NBEA: variants seen among roughly 807,000 people sequenced by gnomAD.
NBEA encodes the protein lysosomal-trafficking regulator 2.
In NBEA, 44 loss-of-function variants were observed where a neutral mutation model predicts 343.4. The ratio of observed to expected loss-of-function variants is 0.13; its 90% CI spans 0.10 to 0.16. The LOEUF (loss-of-function observed/expected upper bound fraction) is 0.16, where lower values mean the gene tolerates loss of function less well. Among genes scored for constraint, NBEA ranks in the 10% least tolerant of loss-of-function variants. The pLI is 1.00. For missense variants in NBEA, 2,555 were observed against 3,631.3 expected (o/e 0.70, Z 7.62); for synonymous variants, 1,175 against 1,238.7 (o/e 0.95, Z 1.08).
At chr13:35,060,175 CAAAT>C (rs141425888) in intron 8 of NBEA, among the ~76,000 whole-genome samples, 6,930 of 151,648 alleles carry the variant, frequency 0.046, 232 homozygotes, top group Non-Finnish European at 0.067. Context: ...GACAAGCAAA[CAAAT>C]GAAATATAAG....
chr13:35,550,843 TG>T (rs781443907), intron 42 of NBEA, 86 bp from the exon 43 acceptor site: 8 of 780,524 alleles, frequency 1.0e-5, no homozygotes, highest in Non-Finnish European at 1.7e-5. Flanking sequence ...AAATAAATCA[TG>T]ATAGGCACTT....
intron 35 of NBEA, among the ~76,000 whole-genome samples, chr13:35,291,506 A>G (rs1236797014): frequency 6.6e-6 from 1 of 151,892 alleles, no homozygotes; most frequent in African/African-American, 2.4e-5. Flanking sequence ...GAGGTTAAAG[A>G]AAACAACATC....
chr13:35,372,947 A>G (rs765421882), intron 38 of NBEA, among the ~76,000 whole-genome samples: 12 of 152,016 alleles, frequency 7.9e-5, no homozygotes, highest in African/African-American at 2.9e-4. Context: ...GGTATGTGGG[A>G]TCAGTTTGAG....
At chr13:35,477,978 C>T (rs1445207513) in intron 41 of NBEA, among the ~76,000 whole-genome samples, 2 of 152,008 alleles carry the variant, frequency 1.3e-5, no homozygotes, top group African/African-American at 4.8e-5. Flanking sequence ...GTTTTTAAAA[C>T]TAGGTGGATT....
chr13:35,349,882 T>C (rs2040091218), intron 37 of NBEA, among the ~76,000 whole-genome samples: 1 of 152,130 alleles, frequency 6.6e-6, no homozygotes, highest in Admixed American at 6.6e-5. Context: ...TCTAGTGATC[T>C]CTGACCTAGC....
chr13:35,215,070 A>T lies in NBEA; in HGVS notation c.5648+3891A>T, dbSNP rs186882140. ...TCGTAGCTTTATATTAAGTTTTGAAAGAGATGATGTAATGTAAGTCCTGTA... is the reference window on the plus strand; with the variant it reads ...TCGTAGCTTTATATTAAGTTTTGAATGAGATGATGTAATGTAAGTCCTGTA... On this transcript the variant is annotated intron_variant, in intron 33 of 58. Coordinates refer to ENST00000379939, the MANE Select transcript of NBEA (RefSeq NM_001385012.1). Among the ~76,000 whole-genome samples the T allele has an allele frequency of 4.0e-3, 610 of 151,766 alleles. 3 individuals carry two copies. The highest frequency in any genetic ancestry group is 0.014 in the African/African-American group (590 of 41,516).
chr13:35,060,709 A>C (rs1013373387), intron 8 of NBEA, among the ~76,000 whole-genome samples: 1 of 127,088 alleles, frequency 7.9e-6, no homozygotes, highest in Non-Finnish European at 1.8e-5. Context: ...TTTTATATTA[A>C]AAAGCTTTTT....
chr13:35,222,737 A>C (rs1327944895), intron 33 of NBEA, among the ~76,000 whole-genome samples: 2 of 152,196 alleles, frequency 1.3e-5, no homozygotes, highest in East Asian at 3.8e-4. Context: ...ACAAAGTTTC[A>C]TGTGTTAATA....
At chr13:35,414,994 C>T (rs1211257139) in intron 38 of NBEA, among the ~76,000 whole-genome samples, 3 of 152,118 alleles carry the variant, frequency 2.0e-5, no homozygotes, top group Non-Finnish European at 4.4e-5. Flanking sequence ...TGATGATGAG[C>T]ATTTTTTCAT....
At chr13:35,260,046 T>C (rs1020479085) in intron 34 of NBEA, among the ~76,000 whole-genome samples, 3 of 152,212 alleles carry the variant, frequency 2.0e-5, no homozygotes, top group Non-Finnish European at 2.9e-5. Flanking sequence ...TGGTTATCTT[T>C]AATATCTGTA....
chr13:35,501,926 T>G (rs950594095), intron 41 of NBEA, among the ~76,000 whole-genome samples: 1 of 152,152 alleles, frequency 6.6e-6, no homozygotes, highest in Non-Finnish European at 1.5e-5. Flanking sequence ...TATGTGTGTG[T>G]GCATACATGT....
intron 36 of NBEA, among the ~76,000 whole-genome samples, chr13:35,318,617 A>G (rs2037913368): frequency 6.6e-6 from 1 of 152,188 alleles, no homozygotes; most frequent in Non-Finnish European, 1.5e-5. Flanking sequence ...TGGCCTCATA[A>G]AATGAGTTAG....
At chr13:34,996,141 A>T (rs1270219636) in intron 1 of NBEA, among the ~76,000 whole-genome samples, 1 of 152,168 alleles carries the variant, frequency 6.6e-6, no homozygotes, top group Non-Finnish European at 1.5e-5. Context: ...ATATAATACC[A>T]TCTTGAATGT....
chr13:35,601,383 A>T (rs533492381), intron 47 of NBEA, among the ~76,000 whole-genome samples: 125 of 152,308 alleles, frequency 8.2e-4, no homozygotes, highest in Non-Finnish European at 1.3e-3. Context: ...GATTTCTATT[A>T]TGATGGGACA....
At chr13:35,117,192 T>C (rs1188091412) in intron 13 of NBEA, among the ~76,000 whole-genome samples, 2 of 151,822 alleles carry the variant, frequency 1.3e-5, no homozygotes, top group East Asian at 3.8e-4. Flanking sequence ...AGTTCTTTTT[T>C]CCACAAAATC....
At position 35,308,312 on chromosome 13, in the gene NBEA, A is replaced by G. The variant is rs1452938690; in HGVS notation, c.5839-1216A>G. On this transcript the variant is annotated intron_variant, in intron 35 of 58. Coordinates refer to ENST00000379939, the MANE Select transcript of NBEA (RefSeq NM_001385012.1). ...AGAAAAATCATAGGGGGAAAAATCT[A>G]TAGAGGAGGGCCATGACTGGTCAAT... 2.7e-5 allele frequency among the ~76,000 whole-genome samples: 4 copies of G among 150,642 alleles called. No homozygotes were observed. In the East Asian group the frequency reaches 7.8e-4, roughly 29 times the overall value.
chr13:35,019,188 T>C (rs1173487489), intron 1 of NBEA, among the ~76,000 whole-genome samples: 3 of 151,958 alleles, frequency 2.0e-5, no homozygotes, highest in Admixed American at 2.0e-4. Context: ...ACGTTCACGA[T>C]GGTTATTTGG....
At chr13:35,214,480 T>C (rs1179040339) in intron 33 of NBEA, among the ~76,000 whole-genome samples, 1 of 151,838 alleles carries the variant, frequency 6.6e-6, no homozygotes, top group Non-Finnish European at 1.5e-5. Flanking sequence ...TTCTTTCCTA[T>C]TGATTAATGA....
intron 55 of NBEA, among the ~76,000 whole-genome samples, chr13:35,659,769 G>T (rs567193391): frequency 6.6e-6 from 1 of 152,146 alleles, no homozygotes; most frequent in East Asian, 1.9e-4. Flanking sequence ...TCGCGGCTTT[G>T]AACGTATAAA....
Sources: allele counts gnomAD v4.1 joint callset (sites outside exome capture counted in the v4.1 genomes callset), GRCh38; gene constraint gnomAD v4.1.1; transcripts MANE v1.5; gene names NCBI Gene and HGNC (gene_info 2026-07-23, HGNC 2026-07-21).